The following TENM3 variants were observed in gnomAD, a reference collection of about 807,000 sequenced individuals.
TENM3 encodes teneurin transmembrane protein 3.
In TENM3, 63 loss-of-function variants were observed where a neutral mutation model predicts 255.1. The observed-to-expected ratio is 0.25, with a 90% CI of 0.20 to 0.30. TENM3 has a LOEUF of 0.30. TENM3 is among the 10% of genes least tolerant of loss of function. TENM3 has a pLI of 1.00. For synonymous variants in TENM3, 1,306 were observed against 1,322.3 expected (o/e 0.99, Z 0.27); for missense variants, 2,929 against 3,461.1 (o/e 0.85, Z 3.86).
At chr4:181,799,189 G>A in the TENM3 span, among the ~76,000 whole-genome samples, 4 of 152,304 alleles carry the variant, frequency 2.6e-5, no homozygotes, top group East Asian at 5.8e-4. Flanking sequence ...AACCTGAAAC[G>A]AGTGGCTGTA....
intron 19 of TENM3, among the ~76,000 whole-genome samples, chr4:182,751,063 A>G (rs775465773): frequency 3.9e-5 from 6 of 152,194 alleles, no homozygotes; most frequent in Non-Finnish European, 8.8e-5. Context: ...CTTTATATTT[A>G]TAAAACTGAG....
At chr4:181,504,532 C>T in the TENM3 span, among the ~76,000 whole-genome samples, 1 of 152,126 alleles carries the variant, frequency 6.6e-6, no homozygotes, top group Admixed American at 6.5e-5. Context: ...CTACTTCTTC[C>T]TCATTTTCAT....
chr4:181,988,439 C>T, the TENM3 span, among the ~76,000 whole-genome samples: 64 of 152,190 alleles, frequency 4.2e-4, no homozygotes, highest in Non-Finnish European at 8.7e-4. Flanking sequence ...TTCCTCTGTC[C>T]TTGCCTACTG....
the TENM3 span, among the ~76,000 whole-genome samples, chr4:181,927,422 C>T: frequency 1.5e-4 from 23 of 152,318 alleles, no homozygotes; most frequent in East Asian, 1.2e-3. Flanking sequence ...TCAAACTGGG[C>T]GGAGCCCACC....
chr4:181,944,117 T>C, the TENM3 span, among the ~76,000 whole-genome samples: 1 of 152,112 alleles, frequency 6.6e-6, no homozygotes, highest in Non-Finnish European at 1.5e-5. Context: ...GTAGGATCTA[T>C]AGGGATATAT....
chr4:182,016,932 C>T, the TENM3 span, among the ~76,000 whole-genome samples: 1 of 152,128 alleles, frequency 6.6e-6, no homozygotes, highest in African/African-American at 2.4e-5. Flanking sequence ...AAAAAGAGCA[C>T]ATAATTTGGG....
the TENM3 span, among the ~76,000 whole-genome samples, chr4:182,120,893 C>A: frequency 6.6e-6 from 1 of 152,136 alleles, no homozygotes; most frequent in Non-Finnish European, 1.5e-5. Flanking sequence ...CATGCAAGAC[C>A]TAGTAAGATA....
intron 5 of TENM3, among the ~76,000 whole-genome samples, chr4:182,651,661 C>T (rs1753307709): frequency 6.6e-6 from 1 of 151,948 alleles, no homozygotes; most frequent in Non-Finnish European, 1.5e-5. Context: ...CGTGCCACTG[C>T]ACTCCATCCT....
chr4:182,212,701 C>T (rs992386973), intron 1 of TENM3, among the ~76,000 whole-genome samples: 4 of 152,132 alleles, frequency 2.6e-5, no homozygotes, highest in Admixed American at 1.3e-4. Flanking sequence ...ATCCCGATAC[C>T]GCTGAACTCT....
In TENM3 at chr4:182,800,759, G is replaced by A. The variant is rs1473048201; in HGVS notation, c.*408G>A. On this transcript the variant is annotated 3_prime_UTR_variant, in exon 28 of 28. Coordinates refer to ENST00000511685, the MANE Select transcript of TENM3 (RefSeq NM_001080477.4). ...TTTGCTTACAAGAAGTAGTCTGTCT[G>A]CATAGGATGTGATAGCTATCTCTGT... The A allele has an allele frequency of 6.3e-6, 1 of 158,648 alleles. No individual in the cohort carries two copies. The highest frequency in any genetic ancestry group is 2.4e-5 in the African/African-American group (1 of 41,548). 9.8% of individuals were successfully genotyped at this position (158,648 alleles called of 1,614,324 possible).
chr4:182,248,857 CT>C (rs1192499731), intron 1 of TENM3, among the ~76,000 whole-genome samples: 1 of 152,180 alleles, frequency 6.6e-6, no homozygotes, highest in African/African-American at 2.4e-5. Context: ...CCATATATAT[CT>C]ACAGAGCACT....
chr4:181,556,537 T>C, the TENM3 span, among the ~76,000 whole-genome samples: 4 of 152,170 alleles, frequency 2.6e-5, no homozygotes, highest in Non-Finnish European at 4.4e-5. Context: ...ACTTACATCA[T>C]TTAAAAAATT....
At chr4:182,748,869 A>G (rs957159207) in intron 19 of TENM3, among the ~76,000 whole-genome samples, 1 of 152,200 alleles carries the variant, frequency 6.6e-6, no homozygotes, top group Non-Finnish European at 1.5e-5. Context: ...TTCATTTATC[A>G]GACATTTTTA....
At position 182,719,407 on chromosome 4, in the gene TENM3, GCC is replaced by G. The variant is rs1561155043; in HGVS notation, c.2368+5176_2368+5177del. ...CTCCCGAGTAGCTGGGACTATAGGC[GCC>G]CACCACCACGCCCTGCTAATTTTTG... On this transcript the variant is annotated intron_variant, in intron 13 of 27. Coordinates refer to ENST00000511685, the MANE Select transcript of TENM3 (RefSeq NM_001080477.4). Among the ~76,000 whole-genome samples the G allele has an allele frequency of 5.6e-4, 85 of 151,422 alleles. 2 individuals are homozygous for G. The highest frequency in any genetic ancestry group is 2.4e-4 in the Non-Finnish European group (16 of 67,854).
At chr4:181,858,724 A>G in the TENM3 span, among the ~76,000 whole-genome samples, 1 of 152,208 alleles carries the variant, frequency 6.6e-6, no homozygotes, top group Non-Finnish European at 1.5e-5. Flanking sequence ...ACAGCAAAAG[A>G]AGAAAGGTAC....
intron 3 of TENM3, among the ~76,000 whole-genome samples, chr4:182,419,764 G>A (rs567738770): frequency 3.3e-5 from 5 of 151,432 alleles, no homozygotes; most frequent in African/African-American, 1.2e-4. Flanking sequence ...GCAAACTATC[G>A]CAAGGACAGA....
chr4:182,367,040 C>A lies in TENM3; in HGVS notation c.511+20111C>A, dbSNP rs936557405. Among the ~76,000 whole-genome samples the A allele has an allele frequency of 3.3e-5, 5 of 151,824 alleles. 1 individual carries two copies. The highest frequency in any genetic ancestry group is 3.3e-4 in the Admixed American group (5 of 15,218). The stretch of plus-strand genomic sequence containing the variant: ...TTGGGCTTTACAACAGGGAAACAAT[C>A]GGAAGACAAAACAACTAGATGAAAT... On this transcript the variant is annotated intron_variant, in intron 3 of 27. Transcript: ENST00000511685.
At chr4:181,974,116 C>T in the TENM3 span, among the ~76,000 whole-genome samples, 1 of 152,198 alleles carries the variant, frequency 6.6e-6, no homozygotes, top group Non-Finnish European at 1.5e-5. Context: ...AGAGACTGCT[C>T]ATTCAAGGAG....
chr4:182,452,261 G>A (rs182722999), intron 3 of TENM3, among the ~76,000 whole-genome samples: 10 of 144,624 alleles, frequency 6.9e-5, no homozygotes, highest in Admixed American at 6.5e-4. Context: ...AGATAGAATG[G>A]TTTGGTGAAG....
Sources: gnomAD v4.1 joint callset for allele counts (sites outside exome capture counted in the v4.1 genomes callset) on GRCh38, gnomAD v4.1.1 for gene constraint, MANE v1.5 for transcripts, NCBI Gene and HGNC (gene_info 2026-07-23, HGNC 2026-07-21) for gene names.